Variants in TGDS observed in about 807,000 individuals in gnomAD.
The protein encoded by TGDS is TDP-glucose 4,6-dehydratase, also known as UDP-D-glucose 4,6-dehydratase.
Under a neutral mutation model 52.3 loss-of-function variants are expected in TGDS, and 47 were observed. That is an observed-to-expected ratio of 0.90 (90% CI 0.71 to 1.15). The LOEUF is 1.15. Ranked by LOEUF, TGDS falls within the 50% of genes most tolerant of loss-of-function variation. The pLI, the probability that TGDS is intolerant of heterozygous loss-of-function variation, is 0.00. For synonymous variants in TGDS, 115 were observed against 136.9 expected (o/e 0.84, Z 1.12); for missense variants, 375 against 418.4 (o/e 0.90, Z 0.90).
At chr13:94,593,997 TAC>T in intron 1 of TGDS, 90 bp from the exon 2 acceptor site, 6 of 739,228 alleles carry the variant, frequency 8.1e-6, no homozygotes, top group Non-Finnish European at 1.3e-5. Flanking sequence ...ACTAGGAAAA[TAC>T]TCAAAGATAA....
chr13:94,582,317 T>C (rs1296520985), intron 5 of TGDS, among the ~76,000 whole-genome samples: 1 of 152,220 alleles, frequency 6.6e-6, no homozygotes, highest in African/African-American at 2.4e-5. Context: ...GCAGCCTAAC[T>C]TATGCTTTGG....
intron 4 of TGDS, among the ~76,000 whole-genome samples, chr13:94,587,228 AAAGT>A (rs1164907262): frequency 2.0e-5 from 3 of 152,218 alleles, no homozygotes; most frequent in African/African-American, 4.8e-5. Context: ...AAAAGAATAG[AAAGT>A]AAGCCTAAAC....
At chr13:94,583,043 T>A (rs1422443964) in intron 5 of TGDS, 51 bp downstream of exon 5, 1 of 1,582,224 alleles carries the variant, frequency 6.3e-7, no homozygotes, top group Non-Finnish European at 8.6e-7. Flanking sequence ...TTAATAAAAC[T>A]GTATCATGGT....
At position 94,579,875 on chromosome 13, in the gene TGDS, A is replaced by G; in HGVS notation, c.615+19T>C. 1 of 1,467,952 alleles carries G rather than the reference A, an allele frequency of 6.8e-7. No homozygotes were observed. 90.9% of individuals were successfully genotyped at this position (1,467,952 alleles called of 1,614,324 possible). A position where few individuals can be genotyped will look rare whatever the true frequency, so the allele number is the denominator to read the frequency against. ...TTACAATCACTGAAAAACACCATGA[A>G]TTAAGAAGTAAAATTTACCTTTTCT... On this transcript the variant is annotated intron_variant, in intron 7 of 11. Coordinates refer to ENST00000261296, the MANE Select transcript of TGDS (RefSeq NM_014305.4).
At position 94,576,340 on chromosome 13, in the gene TGDS, G is replaced by T; in HGVS notation, c.956C>A (p.Pro319His). ...IHGLGWRPKVPWKEGIKKTIE... is the reference protein window; with the variant it reads ...IHGLGWRPKVHWKEGIKKTIE... Reference sequence around the variant, plus strand: ...TGTTTTCTTTATTCCTTCTTTCCAAGGCACTTTAGGTCTCCATCCTAAGCC... The same window carrying T: ...TGTTTTCTTTATTCCTTCTTTCCAATGCACTTTAGGTCTCCATCCTAAGCC... Residue 319 changes from proline to histidine, a missense_variant, in exon 11 of 12, where the codon CCT (proline) becomes CAT (histidine). Physicochemically the swap from Pro to His is moderately conservative, Grantham distance 77. Transcript: ENST00000261296. 6.2e-7 allele frequency: 1 copy of T among 1,601,548 alleles called. No individual in the cohort carries two copies. The highest frequency in any genetic ancestry group is 8.5e-7 in the Non-Finnish European group (1 of 1,174,112).
chr13:94,583,992 A>T (rs550152740), intron 4 of TGDS, among the ~76,000 whole-genome samples: 25 of 152,212 alleles, frequency 1.6e-4, no homozygotes, highest in Non-Finnish European at 2.5e-4. Flanking sequence ...AAAAACTCAG[A>T]GATACCACTT....
intron 4 of TGDS, among the ~76,000 whole-genome samples, chr13:94,588,753 TA>T (rs1405072230): frequency 6.6e-6 from 1 of 152,192 alleles, no homozygotes; most frequent in Non-Finnish European, 1.5e-5. Flanking sequence ...CTTTTATCAT[TA>T]ACCAAGTAGA....
At chr13:94,579,358 T>G (rs1398356523) in intron 7 of TGDS, 1 of 152,508 alleles carries the variant, frequency 6.6e-6, no homozygotes, top group Non-Finnish European at 1.5e-5. Context: ...ACAGGCATTT[T>G]CAGCCTCTAA....
At chr13:94,582,947 G>C (rs1364233693) in intron 5 of TGDS, 147 bp downstream of exon 5, 2 of 705,470 alleles carry the variant, frequency 2.8e-6, no homozygotes, top group South Asian at 2.5e-5. Flanking sequence ...TATTCTATTA[G>C]TTGTGTCCCT....
At position 94,590,938 on chromosome 13, in the gene TGDS, G is replaced by A. The variant is rs779545186; in HGVS notation, c.228C>T (p.Asp76=). The part of the protein sequence containing the change: ...NKQNYKFIQG[D]ICDSHFVKLL... ...GTTTCACAAAGTGAGAATCACATAT[G>A]TCACCCTATATGAAAAAGCAAACAT... Residue 76 remains aspartate (D), a synonymous_variant, in exon 4 of 12, where the codon GAC becomes GAT. Transcript: ENST00000261296. The A allele has an allele frequency of 6.4e-7, 1 of 1,569,276 alleles. No homozygotes were observed. Among genetic ancestry groups the A allele is most frequent in the South Asian group, 1.2e-5 (1 of 82,102 alleles).
At chr13:94,586,751 A>T (rs9524546) in intron 4 of TGDS, among the ~76,000 whole-genome samples, 393 of 36,830 alleles carry the variant, frequency 0.011, 15 homozygotes, top group African/African-American at 0.043. Context: ...AAATCAAATT[A>T]TTTTTTTTTT....
Position 94,590,901 on chromosome 13 carries a change from T to C in TGDS, c.265A>G (p.Thr89Ala). 1 of 1,576,270 alleles carries C rather than the reference T, an allele frequency of 6.3e-7. No homozygotes were observed. The highest frequency in any genetic ancestry group is 8.6e-7 in the Non-Finnish European group (1 of 1,168,506). ...TGTAGTACTATATCTATTTTCTCTG[T>C]TTCAAAAAGCAGTTTCACAAAGTGA... ...DSHFVKLLFE[T>A]EKIDIVLHFA... Residue 89 changes from threonine (T) to alanine (A), a missense_variant, in exon 4 of 12, where the codon ACA becomes GCA. Coordinates refer to ENST00000261296, the MANE Select transcript of TGDS (RefSeq NM_014305.4).
Position 94,574,362 on chromosome 13 carries a change from GA to G in TGDS, c.*419del, listed in dbSNP as rs1888521899. 1 of 154,628 alleles carries G rather than the reference GA, an allele frequency of 6.5e-6. No individual in the cohort carries two copies. Among genetic ancestry groups the G allele is most frequent in the Non-Finnish European group, 1.4e-5 (1 of 69,858 alleles). 9.6% of individuals were successfully genotyped at this position (154,628 alleles called of 1,614,324 possible). On this transcript the variant is annotated 3_prime_UTR_variant, in exon 12 of 12. Transcript: ENST00000261296. Reference sequence around the variant, plus strand: ...TGATAGCATATCAGATCTTAAAAAAGAAATGGTGAATTAGGGCCTAAGACAT... The same window carrying G: ...TGATAGCATATCAGATCTTAAAAAAGAATGGTGAATTAGGGCCTAAGACAT...
chr13:94,592,336 C>A, intron 2 of TGDS, 27 bp from the exon 3 acceptor site: 2 of 1,562,666 alleles, frequency 1.3e-6, no homozygotes, highest in Non-Finnish European at 8.6e-7. Context: ...ACAGAAGGGG[C>A]AACACAAAAA....
At position 94,574,732 on chromosome 13, in the gene TGDS, G is replaced by C. The variant is rs368602861; in HGVS notation, c.*50C>G. 4.9e-5 allele frequency: 57 copies of C among 1,154,042 alleles called. No individual in the cohort carries two copies. The African/African-American group carries it at 7.9e-4, about 16-fold the overall frequency. The allele number at this position is 1,154,042 out of a possible 1,614,324, so 71.5% of individuals were successfully genotyped here. Reference sequence around the variant, plus strand: ...CACTTAATTTCATACCACTTGGCGAGGTAGGATAACTTTCTTCTTTGACAA... The same window carrying C: ...CACTTAATTTCATACCACTTGGCGACGTAGGATAACTTTCTTCTTTGACAA... On this transcript the variant is annotated 3_prime_UTR_variant, in exon 12 of 12. Transcript: ENST00000261296.
chr13:94,578,622 GGGCATTCAATTCTAT>G, intron 8 of TGDS, 93 bp downstream of exon 8: 2 of 749,884 alleles, frequency 2.7e-6, no homozygotes, highest in South Asian at 3.4e-5. Context: ...AAATTTAGTG[GGGCATTCAATTCTAT>G]GGCCTTTAAG....
chr13:94,584,143 C>G (rs1227006453), intron 4 of TGDS, among the ~76,000 whole-genome samples: 2 of 152,198 alleles, frequency 1.3e-5, no homozygotes, highest in African/African-American at 4.8e-5. Context: ...TTGGAAATAT[C>G]TAGTCAAATT....
At chr13:94,584,706 A>G (rs1422268431) in intron 4 of TGDS, among the ~76,000 whole-genome samples, 1 of 152,210 alleles carries the variant, frequency 6.6e-6, no homozygotes, top group East Asian at 1.9e-4. Context: ...AGGGGGAAAA[A>G]CATTGAAGAT....
At chr13:94,588,017 A>AAGAGAC (rs1491425210) in intron 4 of TGDS, among the ~76,000 whole-genome samples, 2 of 133,050 alleles carry the variant, frequency 1.5e-5, no homozygotes, top group Non-Finnish European at 3.2e-5. Context: ...AAAAAAAAAA[A>AAGAGAC]AGAGACAGAA....
Sources: allele counts gnomAD v4.1 joint callset (sites outside exome capture counted in the v4.1 genomes callset), GRCh38; gene constraint gnomAD v4.1.1; transcripts MANE v1.5; gene names NCBI Gene and HGNC (gene_info 2026-07-23, HGNC 2026-07-21).